Variants in CCDC91 observed in about 807,000 individuals in gnomAD.
CCDC91 encodes coiled-coil domain-containing protein 91.
A neutral mutation model predicts 63.2 loss-of-function variants in CCDC91; 48 were observed. The observed-to-expected ratio is 0.76, with a 90% CI of 0.60 to 0.97. The LOEUF (loss-of-function observed/expected upper bound fraction) is 0.97, where lower values mean the gene tolerates loss of function less well. Ranked by LOEUF, CCDC91 falls within the 50% of genes least tolerant of loss-of-function variation. The pLI, the probability that CCDC91 is intolerant of heterozygous loss-of-function variation, is 0.00. For synonymous variants in CCDC91, 167 were observed against 165.8 expected, an observed-to-expected ratio of 1.01 and a Z score of -0.06; for missense variants, 500 against 494.6, an observed-to-expected ratio of 1.01 and a Z score of -0.10.
chr12:28,267,845 TTA>T (rs1947367131), intron 3 of CCDC91, among the ~76,000 whole-genome samples: 1 of 19,220 alleles, frequency 5.2e-5, no homozygotes, highest in South Asian at 1.3e-3. Context: ...TTATATATAA[TTA>T]TATAGTAATA....
chr12:28,256,212 G>A (rs1175901732), intron 1 of CCDC91: 2 of 152,168 alleles, frequency 1.3e-5, no homozygotes, highest in East Asian at 1.9e-4. Flanking sequence ...AGATTATTTT[G>A]TCATATGGTC....
intron 8 of CCDC91, among the ~76,000 whole-genome samples, chr12:28,431,458 A>T (rs1948621776): frequency 6.6e-6 from 1 of 152,086 alleles, no homozygotes. Context: ...TTTTGTAGTG[A>T]TGTCTACTTT....
At chr12:28,239,566 T>G (rs1945193391) in intron 1 of CCDC91, among the ~76,000 whole-genome samples, 5 of 139,724 alleles carry the variant, frequency 3.6e-5, no homozygotes, top group Admixed American at 1.4e-4. Flanking sequence ...AAGTCATCAT[T>G]GTGCTATTAA....
At chr12:28,524,516 G>C (rs902501714) in intron 12 of CCDC91, among the ~76,000 whole-genome samples, 1 of 151,974 alleles carries the variant, frequency 6.6e-6, no homozygotes. Flanking sequence ...ATTTTGTTGA[G>C]GTTTTTTGCA....
In CCDC91 at chr12:28,392,517, C is replaced by T. The variant is rs184139478; in HGVS notation, c.762+1106C>T. Among the ~76,000 whole-genome samples, 172 of 152,172 alleles carry T rather than the reference C, an allele frequency of 1.1e-3. 2 individuals carry two copies. Among genetic ancestry groups the T allele is most frequent in the African/African-American group, 3.5e-3 (146 of 41,530 alleles). Reference sequence around the variant, plus strand: ...TTGTATCTGTAATTAAATACTCTGGCCTGGAAATGACACATTCGATTTCAA... The same window carrying T: ...TTGTATCTGTAATTAAATACTCTGGTCTGGAAATGACACATTCGATTTCAA... On this transcript the variant is annotated intron_variant, in intron 8 of 12. Coordinates refer to ENST00000536442, the MANE Select transcript of CCDC91 (RefSeq NM_018318.5).
chr12:28,434,367 A>G (rs996978735), intron 8 of CCDC91, among the ~76,000 whole-genome samples: 1 of 151,522 alleles, frequency 6.6e-6, no homozygotes, highest in Non-Finnish European at 1.5e-5. Flanking sequence ...TGATATGATC[A>G]TGTGATTTTT....
At chr12:28,313,936 C>G (rs1939583584) in intron 6 of CCDC91, among the ~76,000 whole-genome samples, 1 of 152,022 alleles carries the variant, frequency 6.6e-6, no homozygotes, top group South Asian at 2.1e-4. Context: ...GACAAGCACT[C>G]AGGAAACTTG....
chr12:28,328,160 G>T lies in CCDC91; in HGVS notation c.576+20411G>T, dbSNP rs73083967. Among the ~76,000 whole-genome samples the T allele has an allele frequency of 7.3e-3, 1,111 of 152,200 alleles. 3 individuals carry two copies. Among genetic ancestry groups the T allele is most frequent in the Non-Finnish European group, 0.012 (832 of 68,002 alleles). ...AGGAAAAATGAGTCTTAGACATGTTGCCATCTACCTTACATTATTATCTAG... is the reference window on the plus strand; with the variant it reads ...AGGAAAAATGAGTCTTAGACATGTTTCCATCTACCTTACATTATTATCTAG... On this transcript the variant is annotated intron_variant, in intron 6 of 12. Transcript: ENST00000536442.
intron 1 of CCDC91, among the ~76,000 whole-genome samples, chr12:28,243,261 G>A (rs1198811358): frequency 6.6e-6 from 1 of 152,130 alleles, no homozygotes; most frequent in Non-Finnish European, 1.5e-5. Flanking sequence ...TGTCCCATAG[G>A]GAAGTGGTTA....
intron 6 of CCDC91, among the ~76,000 whole-genome samples, chr12:28,338,689 G>C (rs1366593238): frequency 2.0e-5 from 3 of 152,078 alleles, no homozygotes; most frequent in Admixed American, 6.6e-5. Flanking sequence ...TCTGACCTCT[G>C]TGGGGAAAAT....
rs75499975 is a variant in CCDC91, at chr12:28,404,329, A to G, written c.762+12918A>G. On this transcript the variant is annotated intron_variant, in intron 8 of 12. Transcript: ENST00000536442. ...GCTATTCTCCTATTATTGATTTTCT[A>G]GTTTAATTCCACCGTGGTCTGAAAG... Among the ~76,000 whole-genome samples the G allele has an allele frequency of 9.2e-3, 1,394 of 152,116 alleles. 24 individuals are homozygous for G. The highest frequency in any genetic ancestry group is 0.032 in the African/African-American group (1,325 of 41,524).
At chr12:28,247,311 T>C (rs1945806953) in intron 1 of CCDC91, among the ~76,000 whole-genome samples, 1 of 152,004 alleles carries the variant, frequency 6.6e-6, no homozygotes, top group Non-Finnish European at 1.5e-5. Context: ...AAACCCCGCC[T>C]CTACTAAAAA....
At chr12:28,248,265 G>C (rs570605583) in intron 1 of CCDC91, among the ~76,000 whole-genome samples, 1 of 152,128 alleles carries the variant, frequency 6.6e-6, no homozygotes, top group African/African-American at 2.4e-5. Context: ...TCAATCTTGA[G>C]TTTTGGTTGT....
chr12:28,370,758 T>A (rs1183807572), intron 7 of CCDC91, among the ~76,000 whole-genome samples: 1 of 152,142 alleles, frequency 6.6e-6, no homozygotes, highest in African/African-American at 2.4e-5. Context: ...TGGGGAGACC[T>A]CAGAAAACTT....
At chr12:28,216,364 G>A (rs1207544571) in intron 1 of CCDC91, among the ~76,000 whole-genome samples, 1 of 151,982 alleles carries the variant, frequency 6.6e-6, no homozygotes, top group Admixed American at 6.6e-5. Context: ...CAGCAAATAT[G>A]TATTTCTCTT....
chr12:28,414,549 G>T (rs949641144), intron 8 of CCDC91, among the ~76,000 whole-genome samples: 43 of 152,078 alleles, frequency 2.8e-4, no homozygotes, highest in African/African-American at 1.0e-3. Context: ...GTTTAATTAA[G>T]ATTAAGGAAT....
chr12:28,310,503 T>G (rs1939210996), intron 6 of CCDC91, among the ~76,000 whole-genome samples: 1 of 152,028 alleles, frequency 6.6e-6, no homozygotes, highest in African/African-American at 2.4e-5. Context: ...TGACTTCATT[T>G]TAGGACCTAT....
intron 1 of CCDC91, among the ~76,000 whole-genome samples, chr12:28,239,551 G>C (rs1293174968): frequency 6.7e-6 from 1 of 148,894 alleles, no homozygotes; most frequent in East Asian, 1.9e-4. Flanking sequence ...AAATGTTAAT[G>C]TGTGAAGTCA....
intron 2 of CCDC91, among the ~76,000 whole-genome samples, chr12:28,258,488 C>T (rs1184291107): frequency 6.6e-6 from 1 of 151,976 alleles, no homozygotes; most frequent in African/African-American, 2.4e-5. Flanking sequence ...CCTTTCAGTA[C>T]TGCATAGGTA....
Sources: allele counts gnomAD v4.1 joint callset (sites outside exome capture counted in the v4.1 genomes callset), GRCh38; gene constraint gnomAD v4.1.1; transcripts MANE v1.5; gene names NCBI Gene and HGNC (gene_info 2026-07-23, HGNC 2026-07-21).